CYP7B1: variants seen among roughly 807,000 people sequenced by gnomAD.
The protein encoded by CYP7B1 is cytochrome P450 family 7 subfamily B member 1, also known as cytochrome P450 7B1.
CYP7B1 carries 29 observed loss-of-function variants against 42.7 expected under a neutral mutation model. That is an observed-to-expected ratio of 0.68 (90% CI 0.51 to 0.93). The LOEUF is 0.93. CYP7B1 is among the 40% of genes least tolerant of loss of function. CYP7B1 has a pLI of 0.00. For synonymous variants in CYP7B1, 235 were observed against 218.2 expected (o/e 1.08, Z -0.68); for missense variants, 655 against 600.5 (o/e 1.09, Z -0.95).
chr8:64,652,004 G>T (rs1243148555), intron 1 of CYP7B1, among the ~76,000 whole-genome samples: 1 of 152,094 alleles, frequency 6.6e-6, no homozygotes, highest in African/African-American at 2.4e-5. Context: ...ATAACAAAGG[G>T]TCTATCAATG....
At chr8:64,713,030 T>C (rs1465951401) in intron 1 of CYP7B1, among the ~76,000 whole-genome samples, 1 of 152,160 alleles carries the variant, frequency 6.6e-6, no homozygotes. Context: ...TCCTTGAGGA[T>C]TCTTATTTAT....
Position 64,798,677 on chromosome 8 carries a change from G to T in CYP7B1, c.-90C>A. The T allele has an allele frequency of 7.3e-7, 1 of 1,375,362 alleles. No homozygotes were observed. The highest frequency in any genetic ancestry group is 9.4e-7 in the Non-Finnish European group (1 of 1,061,486). 85.2% of individuals were successfully genotyped at this position (1,375,362 alleles called of 1,614,324 possible). On this transcript the variant is annotated 5_prime_UTR_variant, in exon 1 of 6. Coordinates refer to ENST00000310193, the MANE Select transcript of CYP7B1 (RefSeq NM_004820.5). ...CTGCAGCCTGCGGCGGCTTCTCTCG[G>T]CGGCGCCCCCTAGTCCAGGGCCGGA...
chr8:64,672,149 A>T (rs1227959397), intron 1 of CYP7B1, among the ~76,000 whole-genome samples: 2 of 152,176 alleles, frequency 1.3e-5, no homozygotes, highest in Admixed American at 6.5e-5. Flanking sequence ...TAATGATATG[A>T]TCTTGTAGAA....
At chr8:64,774,908 C>A (rs1358318415) in intron 1 of CYP7B1, among the ~76,000 whole-genome samples, 1 of 152,148 alleles carries the variant, frequency 6.6e-6, no homozygotes, top group African/African-American at 2.4e-5. Context: ...TATTCAAACA[C>A]CTCCTTAACT....
chr8:64,775,765 AAAG>A (rs562579814), intron 1 of CYP7B1, among the ~76,000 whole-genome samples: 3 of 152,132 alleles, frequency 2.0e-5, no homozygotes, highest in African/African-American at 4.8e-5. Flanking sequence ...TTTATGCTGA[AAAG>A]AAGGGTACCA....
rs560696741 is a variant in CYP7B1 at position 64,657,659 on chromosome 8, G to A, written c.123-33120C>T. On this transcript the variant is annotated intron_variant, in intron 1 of 5. Transcript: ENST00000310193. Reference sequence around the variant, plus strand: ...TAACTACACTATGTTTTAAAAATCCGTATTCACTGTAGAGACATTATAGAA... The same window carrying A: ...TAACTACACTATGTTTTAAAAATCCATATTCACTGTAGAGACATTATAGAA... 1.2e-4 allele frequency among the ~76,000 whole-genome samples: 19 copies of A among 152,260 alleles called. 1 individual carries two copies. Among genetic ancestry groups the A allele is most frequent in the Admixed American group, 9.2e-4 (14 of 15,298 alleles).
At chr8:64,785,694 A>T (rs1360049647) in intron 1 of CYP7B1, among the ~76,000 whole-genome samples, 3 of 152,146 alleles carry the variant, frequency 2.0e-5, no homozygotes, top group African/African-American at 7.2e-5. Flanking sequence ...AGTGGTTGCC[A>T]AAGGTTAGGT....
chr8:64,687,365 A>T (rs57071798), intron 1 of CYP7B1, among the ~76,000 whole-genome samples: 12,482 of 152,276 alleles, frequency 0.082, 777 homozygotes, highest in African/African-American at 0.16. Flanking sequence ...CGAAATGTCC[A>T]GAATAGGCAA....
At chr8:64,705,750 T>C (rs1471621450) in intron 1 of CYP7B1, among the ~76,000 whole-genome samples, 4 of 152,072 alleles carry the variant, frequency 2.6e-5, no homozygotes, top group Non-Finnish European at 4.4e-5. Context: ...ACTTGATTAA[T>C]TTTGAACAAT....
intron 1 of CYP7B1, among the ~76,000 whole-genome samples, chr8:64,705,280 T>C (rs1466865138): frequency 6.6e-6 from 1 of 151,974 alleles, no homozygotes; most frequent in Non-Finnish European, 1.5e-5. Flanking sequence ...TCCCCAAGGA[T>C]ATTTATCTAC....
At chr8:64,750,450 C>G (rs1474524891) in intron 1 of CYP7B1, among the ~76,000 whole-genome samples, 1 of 152,180 alleles carries the variant, frequency 6.6e-6, no homozygotes, top group Non-Finnish European at 1.5e-5. Context: ...AATTTAATCA[C>G]CTTTGCTTCT....
intron 1 of CYP7B1, among the ~76,000 whole-genome samples, chr8:64,672,268 C>T (rs1413458622): frequency 6.6e-6 from 1 of 152,054 alleles, no homozygotes; most frequent in African/African-American, 2.4e-5. Flanking sequence ...GAACTGGAGG[C>T]TCTTGTTTCT....
At chr8:64,705,295 G>A (rs1048892534) in intron 1 of CYP7B1, among the ~76,000 whole-genome samples, 3 of 151,792 alleles carry the variant, frequency 2.0e-5, no homozygotes, top group Non-Finnish European at 2.9e-5. Flanking sequence ...ATCTACAGCC[G>A]TGATTAGAAT....
chr8:64,775,170 T>C (rs533946126), intron 1 of CYP7B1, among the ~76,000 whole-genome samples: 3 of 152,182 alleles, frequency 2.0e-5, no homozygotes, highest in Non-Finnish European at 4.4e-5. Context: ...AACACTCTAA[T>C]TCTCTGAAAT....
intron 4 of CYP7B1, 87 bp downstream of exon 4, chr8:64,614,938 CT>C: frequency 1.5e-6 from 2 of 1,299,836 alleles, no homozygotes; most frequent in Non-Finnish European, 2.2e-6. Context: ...CAGCTGTGTC[CT>C]CTACCTCTTG....
At chr8:64,690,034 T>A (rs1806715118) in intron 1 of CYP7B1, among the ~76,000 whole-genome samples, 2 of 152,330 alleles carry the variant, frequency 1.3e-5, no homozygotes, top group South Asian at 4.1e-4. Context: ...TGCTAGATAG[T>A]CTTTAAAATA....
chr8:64,624,814 T>C (rs540392781), intron 1 of CYP7B1, among the ~76,000 whole-genome samples: 2 of 152,180 alleles, frequency 1.3e-5, no homozygotes, highest in East Asian at 3.9e-4. Flanking sequence ...AGTTCTTTAG[T>C]TGTGATTTCT....
chr8:64,663,565 A>G (rs1806231400), intron 1 of CYP7B1, among the ~76,000 whole-genome samples: 1 of 152,190 alleles, frequency 6.6e-6, no homozygotes, highest in Admixed American at 6.5e-5. Context: ...AGATGCATAA[A>G]ATAGCTGTTA....
chr8:64,779,887 A>T (rs1315271369), intron 1 of CYP7B1, among the ~76,000 whole-genome samples: 2 of 152,168 alleles, frequency 1.3e-5, no homozygotes, highest in African/African-American at 4.8e-5. Context: ...GCCAGGAAGC[A>T]GAATCTTAAG....
Sources: allele counts gnomAD v4.1 joint callset (sites outside exome capture counted in the v4.1 genomes callset), GRCh38; gene constraint gnomAD v4.1.1; transcripts MANE v1.5; gene names NCBI Gene and HGNC (gene_info 2026-07-23, HGNC 2026-07-21).